The following PEBP4 variants were observed in gnomAD, a reference collection of about 807,000 sequenced individuals.
PEBP4 encodes the protein phosphatidylethanolamine binding protein 4, also known as phosphatidylethanolamine-binding protein 4.
A neutral mutation model predicts 23.9 loss-of-function variants in PEBP4; 22 were observed. The ratio of observed to expected loss-of-function variants is 0.92; its 90% CI spans 0.66 to 1.31. PEBP4 has a LOEUF of 1.31. Among genes scored for constraint, PEBP4 ranks in the 40% most tolerant of loss-of-function variants. The pLI is 0.00. For synonymous variants in PEBP4, 112 were observed against 99.3 expected, an observed-to-expected ratio of 1.13 and a Z score of -0.76; for missense variants, 324 against 281.7, an observed-to-expected ratio of 1.15 and a Z score of -1.07.
intron 3 of PEBP4, among the ~76,000 whole-genome samples, chr8:22,919,081 A>G (rs997426487): frequency 6.6e-5 from 10 of 152,240 alleles, no homozygotes; most frequent in African/African-American, 9.6e-5. Flanking sequence ...TTGCTCTCTG[A>G]TAGTGAAAAA....
intron 4 of PEBP4, among the ~76,000 whole-genome samples, chr8:22,743,494 G>A (rs529042313): frequency 6.6e-6 from 1 of 152,222 alleles, no homozygotes; most frequent in Non-Finnish European, 1.5e-5. Context: ...CATCCTGGGG[G>A]CTGAGCCAGG....
At chr8:22,906,181 G>C (rs1808808750) in intron 3 of PEBP4, among the ~76,000 whole-genome samples, 1 of 152,130 alleles carries the variant, frequency 6.6e-6, no homozygotes, top group African/African-American at 2.4e-5. Flanking sequence ...GAAGTACCAG[G>C]TGGGAGGGAG....
At chr8:22,819,946 A>G (rs1186821405) in intron 3 of PEBP4, among the ~76,000 whole-genome samples, 1 of 152,160 alleles carries the variant, frequency 6.6e-6, no homozygotes, top group African/African-American at 2.4e-5. Flanking sequence ...TTGTAGACCA[A>G]TGGAAATGGT....
chr8:22,860,213 T>C (rs1807747279), intron 3 of PEBP4, among the ~76,000 whole-genome samples: 1 of 144,874 alleles, frequency 6.9e-6, no homozygotes, highest in Non-Finnish European at 1.5e-5. Context: ...TATACACATA[T>C]ATGTATATAT....
intron 3 of PEBP4, among the ~76,000 whole-genome samples, chr8:22,916,989 T>A (rs929598871): frequency 6.6e-5 from 10 of 152,112 alleles, no homozygotes; most frequent in Non-Finnish European, 5.9e-5. Flanking sequence ...GGAAGCATTG[T>A]GACGGGAGCA....
At chr8:22,817,289 A>G (rs1028247522) in intron 4 of PEBP4, among the ~76,000 whole-genome samples, 1 of 152,216 alleles carries the variant, frequency 6.6e-6, no homozygotes, top group Non-Finnish European at 1.5e-5. Context: ...CCAATTGTTA[A>G]CGTTTCAGAA....
intron 4 of PEBP4, among the ~76,000 whole-genome samples, chr8:22,777,450 G>C (rs1805835436): frequency 6.6e-6 from 1 of 152,148 alleles, no homozygotes; most frequent in Non-Finnish European, 1.5e-5. Context: ...AGGGGCTGTG[G>C]GGAGGGGGGA....
chr8:22,905,659 C>T (rs772455715), intron 3 of PEBP4, among the ~76,000 whole-genome samples: 1 of 152,134 alleles, frequency 6.6e-6, no homozygotes, highest in African/African-American at 2.4e-5. Flanking sequence ...TCTAGGGGTC[C>T]GGAGGCAGGA....
chr8:22,830,898 T>C (rs543703469), intron 3 of PEBP4, among the ~76,000 whole-genome samples: 3 of 152,352 alleles, frequency 2.0e-5, no homozygotes, highest in African/African-American at 7.2e-5. Context: ...AAAGTATTTT[T>C]TTCCAAAACA....
chr8:22,791,991 G>A (rs966779101), intron 4 of PEBP4, among the ~76,000 whole-genome samples: 1 of 151,730 alleles, frequency 6.6e-6, no homozygotes, highest in Non-Finnish European at 1.5e-5. Context: ...AGAGTAGCTG[G>A]GACTACAGGC....
intron 3 of PEBP4, among the ~76,000 whole-genome samples, chr8:22,868,721 C>A (rs1441190939): frequency 6.6e-6 from 1 of 152,154 alleles, no homozygotes; most frequent in Non-Finnish European, 1.5e-5. Flanking sequence ...TTATCTCACC[C>A]CCATATCGAA....
intron 3 of PEBP4, among the ~76,000 whole-genome samples, chr8:22,890,701 A>G (rs1808476130): frequency 6.6e-6 from 1 of 152,214 alleles, no homozygotes. Flanking sequence ...CAGAGTTTGG[A>G]ATTAGACAAC....
intron 4 of PEBP4, among the ~76,000 whole-genome samples, chr8:22,768,715 G>A (rs1214262131): frequency 6.6e-6 from 1 of 150,860 alleles, no homozygotes; most frequent in Non-Finnish European, 1.5e-5. Flanking sequence ...TAGGGGGTGG[G>A]TCAGGGCAGG....
chr8:22,870,750 A>C (rs1807991217), intron 3 of PEBP4, among the ~76,000 whole-genome samples: 1 of 152,092 alleles, frequency 6.6e-6, no homozygotes, highest in Non-Finnish European at 1.5e-5. Flanking sequence ...GGGACCAAAA[A>C]CTGCTCTAAA....
intron 3 of PEBP4, among the ~76,000 whole-genome samples, chr8:22,863,679 C>T (rs868303750): frequency 2.1e-4 from 32 of 152,160 alleles, no homozygotes; most frequent in African/African-American, 6.8e-4. Context: ...GCGCTGTGTG[C>T]GTCGTTGCTA....
intron 3 of PEBP4, among the ~76,000 whole-genome samples, chr8:22,860,218 A>ATATATATATACACATATATATGTG (rs1563240400): frequency 2.1e-5 from 3 of 143,146 alleles, no homozygotes; most frequent in African/African-American, 8.3e-5. Flanking sequence ...ACATATATGT[A>ATATATATATACACATATATATGTG]TATATATATA....
intron 3 of PEBP4, among the ~76,000 whole-genome samples, chr8:22,850,728 C>T (rs573648359): frequency 4.6e-5 from 7 of 152,252 alleles, no homozygotes; most frequent in African/African-American, 1.2e-4. Context: ...AAATGAAATC[C>T]GGATGTATGG....
At chr8:22,802,785 T>C (rs1806413403) in intron 4 of PEBP4, among the ~76,000 whole-genome samples, 1 of 152,194 alleles carries the variant, frequency 6.6e-6, no homozygotes, top group Non-Finnish European at 1.5e-5. Context: ...GGGAGTGTGT[T>C]GTGCGTACGA....
intron 3 of PEBP4, among the ~76,000 whole-genome samples, chr8:22,855,669 A>T (rs1293654927): frequency 6.6e-6 from 1 of 152,220 alleles, no homozygotes; most frequent in African/African-American, 2.4e-5. Flanking sequence ...GATGATATCA[A>T]AATCAAAATT....
Sources: allele counts gnomAD v4.1 joint callset (sites outside exome capture counted in the v4.1 genomes callset), GRCh38; gene constraint gnomAD v4.1.1; transcripts MANE v1.5; gene names NCBI Gene and HGNC (gene_info 2026-07-23, HGNC 2026-07-21).